PSORS1C1: variants seen among roughly 807,000 people sequenced by gnomAD.
PSORS1C1 encodes the protein psoriasis susceptibility 1 candidate gene 1 protein.
Under a neutral mutation model 9.4 loss-of-function variants are expected in PSORS1C1, and 7 were observed. That is an observed-to-expected ratio of 0.75 (90% CI 0.42 to 1.40). The LOEUF (loss-of-function observed/expected upper bound fraction) is 1.40. Among genes scored for constraint, PSORS1C1 ranks in the 40% most tolerant of loss-of-function variants. The pLI, the probability that PSORS1C1 is intolerant of heterozygous loss-of-function variation, is 0.01. For synonymous variants in PSORS1C1, 63 were observed against 69.4 expected, an observed-to-expected ratio of 0.91 and a Z score of 0.46; for missense variants, 146 against 178.1, an observed-to-expected ratio of 0.82 and a Z score of 1.02.
intron 1 of PSORS1C1, chr6:31,117,247 G>A (rs201886677): frequency 6.2e-7 from 1 of 1,611,912 alleles, no homozygotes; most frequent in East Asian, 2.2e-5. Flanking sequence ...TTGTAGACTA[G>A]AGCCAGATCC....
At chr6:31,137,865 T>G in intron 3 of PSORS1C1, 2 of 599,376 alleles carry the variant, frequency 3.3e-6, no homozygotes, top group South Asian at 3.3e-5. Flanking sequence ...ACAGGCTAAA[T>G]TGGGAAGAAT....
chr6:31,137,738 G>T (rs1773217100), intron 3 of PSORS1C1: 4 of 402,560 alleles, frequency 9.9e-6, no homozygotes, highest in Non-Finnish European at 1.8e-5. Context: ...GCTGTCAGAG[G>T]AAAAAACGGG....
rs73397043 is a variant in PSORS1C1 at position 31,134,677 on chromosome 6, G to A, written c.14-3753G>A. ...TCTAAGTGGTGAAATTTAAGGTTAT[G>A]CAACCTCAGTTTCTTTTAACCCCTC... On this transcript the variant is annotated intron_variant, in intron 3 of 5. Transcript: ENST00000259881. Among the ~76,000 whole-genome samples, 351 of 152,284 alleles carry A rather than the reference G, an allele frequency of 2.3e-3. 2 individuals are homozygous for A. Among genetic ancestry groups the A allele is most frequent in the East Asian group, 7.9e-3 (41 of 5,182 alleles).
intron 1 of PSORS1C1, chr6:31,117,157 G>T (rs754164196): frequency 6.2e-7 from 1 of 1,606,310 alleles, no homozygotes; most frequent in Non-Finnish European, 8.5e-7. Context: ...GCTCGAATGA[G>T]AGCTGCTGCT....
intron 1 of PSORS1C1, chr6:31,117,342 G>GATACCA: frequency 4.4e-6 from 7 of 1,577,568 alleles, no homozygotes; most frequent in Non-Finnish European, 6.0e-6. Context: ...ATCCGCTGGA[G>GATACCA]CTACCACTGG....
intron 3 of PSORS1C1, among the ~76,000 whole-genome samples, chr6:31,131,874 G>A (rs1372646595): frequency 6.6e-6 from 1 of 152,236 alleles, no homozygotes; most frequent in East Asian, 1.9e-4. Context: ...ATAGTGTGTA[G>A]CAAATACTTT....
rs1772763376 is a variant in PSORS1C1, at chr6:31,128,096, T to C, written c.-64-1473T>C. On this transcript the variant is annotated intron_variant, in intron 2 of 5. Coordinates refer to ENST00000259881, the MANE Select transcript of PSORS1C1 (RefSeq NM_014068.3). This position sits in a 1 kb window ranked among gnomAD's most constrained non-coding sequence, Gnocchi z 4.3. ...GAGGTCCACTTGGACAGGCAGCCTG[T>C]GCCTGAATTTTCCTGAGGGCTTCAG... Among the ~76,000 whole-genome samples, 1 of 152,192 alleles carries C rather than the reference T, an allele frequency of 6.6e-6. No individual in the cohort carries two copies. Among genetic ancestry groups the C allele is most frequent in the Non-Finnish European group, 1.5e-5 (1 of 68,024 alleles).
At chr6:31,124,611 T>G (rs1772601580) in intron 1 of PSORS1C1, among the ~76,000 whole-genome samples, 1 of 152,208 alleles carries the variant, frequency 6.6e-6, no homozygotes, top group Non-Finnish European at 1.5e-5. Flanking sequence ...AGAGGCTCCC[T>G]AAACCCTGTA....
intron 3 of PSORS1C1, among the ~76,000 whole-genome samples, chr6:31,129,892 C>T (rs1428062253): frequency 1.3e-5 from 2 of 152,174 alleles, no homozygotes. Context: ...TAGACAACAT[C>T]AGGGGCTCAG....
rs1481441730 is a variant in PSORS1C1, at chr6:31,128,796, C to T, written c.-64-773C>T. ...AGAGAAGTTAGGAGTCCCTCCTGGG[C>T]TCCTACGTCAGGGTTTGCCCCCTCT... is the stretch of plus-strand genomic sequence containing the variant. On this transcript the variant is annotated intron_variant, in intron 2 of 5. Transcript: ENST00000259881. The surrounding 1 kb of genome is among the most constrained non-coding windows in gnomAD (Gnocchi z 4.3). 6.6e-6 allele frequency among the ~76,000 whole-genome samples: 1 copy of T among 152,184 alleles called. No homozygotes were observed. Among genetic ancestry groups the T allele is most frequent in the Non-Finnish European group, 1.5e-5 (1 of 68,024 alleles).
At chr6:31,130,187 T>C (rs978237151) in intron 3 of PSORS1C1, among the ~76,000 whole-genome samples, 2 of 152,138 alleles carry the variant, frequency 1.3e-5, no homozygotes, top group Non-Finnish European at 2.9e-5. Flanking sequence ...CCAGACCTCC[T>C]TCTTCCTTTC....
intron 3 of PSORS1C1, among the ~76,000 whole-genome samples, chr6:31,133,142 C>T (rs1337232055): frequency 6.6e-5 from 10 of 151,966 alleles, no homozygotes; most frequent in African/African-American, 2.4e-4. Flanking sequence ...TCTGGGAGTC[C>T]GTAGGCACAA....
At chr6:31,120,032 C>G (rs3130992) in intron 1 of PSORS1C1, among the ~76,000 whole-genome samples, 52,914 of 151,946 alleles carry the variant, frequency 0.35, 9,647 homozygotes, top group South Asian at 0.54. Flanking sequence ...TCTTGTAGTG[C>G]TCCCATAATA....
chr6:31,115,880 G>A lies in PSORS1C1; in HGVS notation c.-229+989G>A. 2 of 692,148 alleles carry A rather than the reference G, an allele frequency of 2.9e-6. No homozygotes were observed. The highest frequency in any genetic ancestry group is 5.1e-6 in the Non-Finnish European group (2 of 389,228). The allele number at this position is 692,148 out of a possible 1,614,324, so 42.9% of individuals were successfully genotyped here. ...TGATAAGAGAGAGTCTGCAACCTTG[G>A]GGTAGTGGAGAAAGCAGAACCACTC... On this transcript the variant is annotated intron_variant, in intron 1 of 5. Transcript: ENST00000259881. This position sits in a 1 kb window ranked among gnomAD's most constrained non-coding sequence, Gnocchi z 4.2.
intron 3 of PSORS1C1, chr6:31,133,753 G>A (rs1773021205): frequency 1.3e-5 from 2 of 152,282 alleles, no homozygotes; most frequent in South Asian, 4.1e-4. Context: ...TAAGTTCTGA[G>A]TAGAAACTAC....
At chr6:31,131,950 T>C (rs1772934870) in intron 3 of PSORS1C1, among the ~76,000 whole-genome samples, 1 of 152,180 alleles carries the variant, frequency 6.6e-6, no homozygotes, top group Non-Finnish European at 1.5e-5. Flanking sequence ...GAGATTTATT[T>C]AAAACTAATG....
intron 1 of PSORS1C1, among the ~76,000 whole-genome samples, chr6:31,119,033 G>C (rs1300503086): frequency 6.6e-6 from 1 of 151,606 alleles, no homozygotes; most frequent in Non-Finnish European, 1.5e-5. Flanking sequence ...TAGTAGAGAG[G>C]GGGTTTCACC....
chr6:31,138,861 T>C (rs1338086095), intron 5 of PSORS1C1, 82 bp downstream of exon 5: 18 of 1,604,252 alleles, frequency 1.1e-5, no homozygotes, highest in Non-Finnish European at 1.5e-5. Flanking sequence ...AGATGCACCT[T>C]CTGCGTCCCC....
At position 31,126,385 on chromosome 6, in the gene PSORS1C1, T is replaced by C. The variant is rs117248408; in HGVS notation, c.-65+546T>C. On this transcript the variant is annotated intron_variant, in intron 2 of 5. Transcript: ENST00000259881. ...TTAAAAAAACCCTAGGGGGTTCTGT[T>C]AGGTGCCCCCACTGCAGCATAACGA... Among the ~76,000 whole-genome samples the C allele has an allele frequency of 8.4e-4, 128 of 152,266 alleles. 2 individuals carry two copies. The East Asian group carries it at 0.013, about 16-fold the overall frequency.
Sources: allele counts gnomAD v4.1 joint callset (sites outside exome capture counted in the v4.1 genomes callset), GRCh38; gene constraint gnomAD v4.1.1; non-coding constraint Gnocchi (gnomAD v3.1); transcripts MANE v1.5; gene names NCBI Gene and HGNC (gene_info 2026-07-23, HGNC 2026-07-21).